The following PHTF1 variants were observed in gnomAD, a reference collection of about 807,000 sequenced individuals.
The protein encoded by PHTF1 is protein PHTF1.
Under a neutral mutation model 102.4 loss-of-function variants are expected in PHTF1, and 88 were observed. The ratio of observed to expected loss-of-function variants is 0.86; its 90% CI spans 0.72 to 1.03. The LOEUF (loss-of-function observed/expected upper bound fraction) is 1.03. Ranked by LOEUF, PHTF1 falls within the 50% of genes least tolerant of loss-of-function variation. The pLI, the probability that PHTF1 is intolerant of heterozygous loss-of-function variation, is 0.00. For synonymous variants in PHTF1, 289 were observed against 305.2 expected, an observed-to-expected ratio of 0.95 and a Z score of 0.55; for missense variants, 814 against 909.5, an observed-to-expected ratio of 0.89 and a Z score of 1.35.
intron 5 of PHTF1, among the ~76,000 whole-genome samples, chr1:113,732,422 G>A (rs375370293): frequency 3.9e-4 from 59 of 151,368 alleles, no homozygotes; most frequent in African/African-American, 1.4e-3. Context: ...CTTGAACCCA[G>A]GAGGCAGAGG....
chr1:113,750,780 TG>T (rs1368568912), intron 3 of PHTF1, among the ~76,000 whole-genome samples: 1 of 148,260 alleles, frequency 6.7e-6, no homozygotes, highest in Non-Finnish European at 1.5e-5. Context: ...CACTTGAACC[TG>T]GGAGGCGGAA....
chr1:113,701,516 A>G (rs1217014082), intron 15 of PHTF1, among the ~76,000 whole-genome samples: 1 of 152,156 alleles, frequency 6.6e-6, no homozygotes, highest in African/African-American at 2.4e-5. Context: ...GTAAGATGGA[A>G]TTTACTGAAA....
intron 2 of PHTF1, among the ~76,000 whole-genome samples, chr1:113,758,428 T>C (rs1659216976): frequency 6.6e-6 from 1 of 151,918 alleles, no homozygotes; most frequent in Non-Finnish European, 1.5e-5. Context: ...TGCGGTGGCA[T>C]TGTGTATGCA....
At chr1:113,729,372 T>A (rs980862651) in intron 5 of PHTF1, among the ~76,000 whole-genome samples, 2 of 152,154 alleles carry the variant, frequency 1.3e-5, no homozygotes, top group Non-Finnish European at 2.9e-5. Flanking sequence ...GTCAATAATT[T>A]AATTGTACAT....
intron 6 of PHTF1, chr1:113,725,630 T>C (rs944208157): frequency 4.6e-5 from 7 of 152,172 alleles, no homozygotes; most frequent in Non-Finnish European, 1.0e-4. Flanking sequence ...AAATATAACA[T>C]GAATTCAATA....
At chr1:113,726,767 G>C (rs1225843609) in intron 5 of PHTF1, among the ~76,000 whole-genome samples, 193 bp from the exon 6 acceptor site, 1 of 152,174 alleles carries the variant, frequency 6.6e-6, no homozygotes, top group African/African-American at 2.4e-5. Flanking sequence ...GGCAAGTGAA[G>C]AATACTGTGT....
In PHTF1 at chr1:113,706,856, T is replaced by C. The variant is rs1043445554; in HGVS notation, c.1270-134A>G. 1.4e-3 allele frequency: 582 copies of C among 417,394 alleles called. 3 individuals carry two copies. Among genetic ancestry groups the C allele is most frequent in the African/African-American group, 0.01 (457 of 44,368 alleles). The allele number at this position is 417,394 out of a possible 1,614,324, so 25.9% of individuals were successfully genotyped here. On this transcript the variant is annotated intron_variant, in intron 11 of 18. Coordinates refer to ENST00000369604, the MANE Select transcript of PHTF1 (RefSeq NM_001323043.2). ...TGCTGGTCCTTTCTTTCTTTCTTTT[T>C]TTTTTTTTTTTTTTTTTTTGAGACA...
At chr1:113,736,169 C>A (rs910592613) in intron 5 of PHTF1, among the ~76,000 whole-genome samples, 3 of 151,430 alleles carry the variant, frequency 2.0e-5, no homozygotes, top group Non-Finnish European at 4.4e-5. Flanking sequence ...GGTGAAACCC[C>A]GTCTCTACTA....
At chr1:113,732,326 T>C (rs1300595536) in intron 5 of PHTF1, among the ~76,000 whole-genome samples, 1 of 152,100 alleles carries the variant, frequency 6.6e-6, no homozygotes, top group Admixed American at 6.5e-5. Flanking sequence ...GGAAACCCCA[T>C]CTCTACTAAA....
intron 10 of PHTF1, among the ~76,000 whole-genome samples, chr1:113,710,982 T>C (rs1651010763): frequency 1.3e-5 from 2 of 152,000 alleles, no homozygotes; most frequent in Admixed American, 1.3e-4. Flanking sequence ...TAAACTCTGA[T>C]GTCTCTAGCA....
intron 13 of PHTF1, among the ~76,000 whole-genome samples, chr1:113,705,323 C>G (rs1380172852): frequency 6.6e-6 from 1 of 152,080 alleles, no homozygotes; most frequent in Non-Finnish European, 1.5e-5. Context: ...GCCTGTAGTC[C>G]CAGCTACTGG....
chr1:113,712,057 A>G lies in PHTF1; in HGVS notation c.840T>C (p.Asp280=), dbSNP rs1252021665. 1.9e-5 allele frequency: 31 copies of G among 1,613,980 alleles called. No homozygotes were observed. The highest frequency in any genetic ancestry group is 2.4e-5 in the Non-Finnish European group (28 of 1,179,970). ...GVSDDLSSEE[D]GEARTQMILL... Reference sequence around the variant, plus strand: ...ATATCATCTGTGTCCGTGCTTCACCATCTTCTTCACTTGACAGGTCATCAG... The same window carrying G: ...ATATCATCTGTGTCCGTGCTTCACCGTCTTCTTCACTTGACAGGTCATCAG... Residue 280 remains aspartate (D), a synonymous_variant, in exon 9 of 19, where the codon GAT becomes GAC. Coordinates refer to ENST00000369604, the MANE Select transcript of PHTF1 (RefSeq NM_001323043.2).
At chr1:113,718,115 A>G (rs1652357606) in intron 7 of PHTF1, among the ~76,000 whole-genome samples, 1 of 152,212 alleles carries the variant, frequency 6.6e-6, no homozygotes, top group Non-Finnish European at 1.5e-5. Context: ...TTCTAGATAC[A>G]ATGAGGATAC....
intron 17 of PHTF1, among the ~76,000 whole-genome samples, chr1:113,698,630 C>T (rs139104897): frequency 8.3e-6 from 1 of 120,742 alleles, no homozygotes; most frequent in Admixed American, 8.7e-5. Context: ...TACACACACA[C>T]ACACACACAC....
intron 7 of PHTF1, among the ~76,000 whole-genome samples, chr1:113,718,370 G>T (rs572415485): frequency 2.0e-5 from 3 of 152,196 alleles, no homozygotes; most frequent in African/African-American, 7.2e-5. Context: ...GCTTTCACAG[G>T]CTGGTGTTGA....
At chr1:113,729,364 C>G (rs1404065569) in intron 5 of PHTF1, among the ~76,000 whole-genome samples, 1 of 151,966 alleles carries the variant, frequency 6.6e-6, no homozygotes, top group African/African-American at 2.4e-5. Flanking sequence ...GACCTATAGT[C>G]AATAATTTAA....
rs34844793 is a variant in PHTF1, at chr1:113,701,826, T to TAAAAAAAAAAAA, written c.1891-889_1891-878dup. Among the ~76,000 whole-genome samples the TAAAAAAAAAAAA allele has an allele frequency of 2.1e-3, 59 of 27,992 alleles. 2 individuals are homozygous for TAAAAAAAAAAAA. Among genetic ancestry groups the TAAAAAAAAAAAA allele is most frequent in the Non-Finnish European group, 3.1e-3 (47 of 15,198 alleles). 18.4% of individuals were successfully genotyped at this position (27,992 alleles called of 152,430 possible). On this transcript the variant is annotated intron_variant, in intron 15 of 18. Transcript: ENST00000369604. ...TGGCAACCTGGAATTCAATTCCTGG[T>TAAAAAAAAAAAA]AAAAAAAAAAAAAAAAAAAAAAAAA...
At chr1:113,700,679 T>G in intron 16 of PHTF1, 115 bp downstream of exon 16, 1 of 907,586 alleles carries the variant, frequency 1.1e-6, no homozygotes, top group Non-Finnish European at 1.7e-6. Flanking sequence ...TGTGAGGTCC[T>G]GTAGCTAGAA....
At chr1:113,722,874 C>T (rs1473573652) in intron 7 of PHTF1, among the ~76,000 whole-genome samples, 2 of 150,634 alleles carry the variant, frequency 1.3e-5, no homozygotes, top group South Asian at 2.1e-4. Flanking sequence ...GAGCCGAGAT[C>T]GCGCCATTGC....
Sources: gnomAD v4.1 joint callset for allele counts (sites outside exome capture counted in the v4.1 genomes callset) on GRCh38, gnomAD v4.1.1 for gene constraint, MANE v1.5 for transcripts, NCBI Gene and HGNC (gene_info 2026-07-23, HGNC 2026-07-21) for gene names.